MORN5: variants seen among roughly 807,000 people sequenced by gnomAD.
The protein encoded by MORN5 is MORN repeat containing 5.
Under a neutral mutation model 22.1 loss-of-function variants are expected in MORN5, and 21 were observed. That is an observed-to-expected ratio of 0.95 (90% CI 0.67 to 1.37). The LOEUF (loss-of-function observed/expected upper bound fraction) is 1.37, where lower values mean the gene tolerates loss of function less well. Among genes scored for constraint, MORN5 ranks in the 40% most tolerant of loss-of-function variants. The probability of loss-of-function intolerance (pLI) is 0.00; values close to 1 mark genes in which losing one functional copy is unlikely to be tolerated. For synonymous variants in MORN5, 73 were observed against 74.0 expected, an observed-to-expected ratio of 0.99 and a Z score of 0.07; for missense variants, 211 against 215.1, an observed-to-expected ratio of 0.98 and a Z score of 0.12.
At chr9:122,179,885 G>T (rs370413399) in intron 4 of MORN5, among the ~76,000 whole-genome samples, 11 of 152,326 alleles carry the variant, frequency 7.2e-5, no homozygotes, top group African/African-American at 2.6e-4. Flanking sequence ...CATCCTGAAG[G>T]CGCAGGCTGC....
chr9:122,169,919 G>C (rs1000038008), intron 3 of MORN5, among the ~76,000 whole-genome samples, 163 bp downstream of exon 3: 17 of 152,214 alleles, frequency 1.1e-4, no homozygotes, highest in Admixed American at 6.5e-5. Context: ...AGGAAGGCCA[G>C]TCCTCATATC....
chr9:122,186,509 T>C (rs964242224), intron 4 of MORN5, among the ~76,000 whole-genome samples: 1 of 152,158 alleles, frequency 6.6e-6, no homozygotes, highest in Non-Finnish European at 1.5e-5. Context: ...AAGCCATCCA[T>C]ACAGCCCTGT....
chr9:122,196,807 G>A (rs924084980), intron 4 of MORN5, among the ~76,000 whole-genome samples: 1 of 152,128 alleles, frequency 6.6e-6, no homozygotes, highest in Non-Finnish European at 1.5e-5. Context: ...GATATACTAT[G>A]TGTACTTTTA....
At chr9:122,198,043 C>A (rs767488718) in intron 4 of MORN5, among the ~76,000 whole-genome samples, 5 of 152,198 alleles carry the variant, frequency 3.3e-5, no homozygotes, top group Non-Finnish European at 7.3e-5. Context: ...CAGCTCCTGG[C>A]GTGCTCACAT....
chr9:122,173,146 C>A (rs527920323), intron 3 of MORN5, among the ~76,000 whole-genome samples: 3 of 152,266 alleles, frequency 2.0e-5, no homozygotes, highest in Admixed American at 6.5e-5. Flanking sequence ...ACCTGCCTGG[C>A]TCTCCCCGAA....
At chr9:122,175,584 A>G in intron 4 of MORN5, 1 of 983,298 alleles carries the variant, frequency 1.0e-6, no homozygotes, top group Non-Finnish European at 1.2e-6. Flanking sequence ...GCATGCACAC[A>G]CACACACACG....
intron 4 of MORN5, among the ~76,000 whole-genome samples, chr9:122,182,676 G>C (rs1829554272): frequency 6.6e-6 from 1 of 152,194 alleles, no homozygotes; most frequent in South Asian, 2.1e-4. Context: ...GCTTGAACCT[G>C]GGAGGCAGAG....
At chr9:122,165,286 C>G (rs1234813326) in intron 1 of MORN5, among the ~76,000 whole-genome samples, 1 of 148,906 alleles carries the variant, frequency 6.7e-6, no homozygotes, top group Non-Finnish European at 1.5e-5. Flanking sequence ...CAGCCCAGTG[C>G]AGTGGCTCAC....
At chr9:122,193,861 G>A (rs1437430590) in intron 4 of MORN5, among the ~76,000 whole-genome samples, 5 of 152,256 alleles carry the variant, frequency 3.3e-5, no homozygotes, top group South Asian at 2.1e-4. Context: ...TTTACAGTGC[G>A]AGGGGAGCTG....
intron 4 of MORN5, among the ~76,000 whole-genome samples, chr9:122,190,789 T>G (rs542627544): frequency 1.3e-4 from 20 of 152,392 alleles, no homozygotes; most frequent in Middle Eastern, 3.4e-3. Context: ...GCCAGCAAAG[T>G]TCAAAGCCTC....
At chr9:122,168,785 G>T (rs1829324195) in intron 2 of MORN5, among the ~76,000 whole-genome samples, 1 of 152,132 alleles carries the variant, frequency 6.6e-6, no homozygotes, top group African/African-American at 2.4e-5. Context: ...GTCAGTCAGG[G>T]TTCTTCAGAG....
intron 4 of MORN5, chr9:122,175,440 C>G (rs1342778118): frequency 2.0e-6 from 2 of 984,014 alleles, no homozygotes; most frequent in Non-Finnish European, 2.4e-6. Flanking sequence ...TGACCAAACT[C>G]ACAGGAGATC....
Position 122,177,022 on chromosome 9 carries a change from A to G in MORN5, c.439+2395A>G, listed in dbSNP as rs544226397. ...CCCCTCAAGGACTGGGGACAATAGT[A>G]AGAGATTAGGTTGTGAGAACCTAGA... is the stretch of plus-strand genomic sequence containing the variant. On this transcript the variant is annotated intron_variant, in intron 4 of 4. Transcript: ENST00000373764. Among the ~76,000 whole-genome samples, 93 of 152,362 alleles carry G rather than the reference A, an allele frequency of 6.1e-4. 1 individual carries two copies. Among genetic ancestry groups the G allele is most frequent in the African/African-American group, 2.1e-3 (87 of 41,596 alleles).
intron 4 of MORN5, among the ~76,000 whole-genome samples, chr9:122,186,625 C>G (rs1829643349): frequency 6.6e-6 from 1 of 152,044 alleles, no homozygotes; most frequent in Admixed American, 6.6e-5. Flanking sequence ...TTCCAAAGGC[C>G]CTGGAAATTC....
At chr9:122,164,846 C>T (rs905306916) in intron 1 of MORN5, among the ~76,000 whole-genome samples, 1 of 152,194 alleles carries the variant, frequency 6.6e-6, no homozygotes, top group East Asian at 1.9e-4. Flanking sequence ...GGGCATTCTG[C>T]TATAGTTTCA....
chr9:122,164,897 C>T (rs1829253065), intron 1 of MORN5, among the ~76,000 whole-genome samples: 1 of 152,222 alleles, frequency 6.6e-6, no homozygotes, highest in Admixed American at 6.5e-5. Context: ...ACTTTGTCAT[C>T]CACTCTGTTC....
chr9:122,172,489 G>A (rs544528639), intron 3 of MORN5, among the ~76,000 whole-genome samples: 21 of 151,970 alleles, frequency 1.4e-4, no homozygotes, highest in South Asian at 2.1e-4. Context: ...ACTTTTTCCT[G>A]CCATTCTCTC....
Position 122,197,581 on chromosome 9 carries a change from T to C in MORN5, c.440-2304T>C, listed in dbSNP as rs1408979395. Among the ~76,000 whole-genome samples the C allele has an allele frequency of 3.3e-5, 5 of 151,970 alleles. No individual in the cohort carries two copies. Among genetic ancestry groups the C allele is most frequent in the South Asian group, 2.1e-4 (1 of 4,804 alleles). ...GGAGGGGAGGCATCTGTGATTCAAA[T>C]TGGTGGCTGTACAGCCAGGTAGAGA... On this transcript the variant is annotated intron_variant, in intron 4 of 4. Coordinates refer to ENST00000373764, the MANE Select transcript of MORN5 (RefSeq NM_198469.4). The surrounding 1 kb of genome is among the most constrained non-coding windows in gnomAD (Gnocchi z 5.7).
chr9:122,179,683 T>C (rs1478066361), intron 4 of MORN5, among the ~76,000 whole-genome samples: 2 of 152,180 alleles, frequency 1.3e-5, no homozygotes, highest in Non-Finnish European at 2.9e-5. Context: ...CCTGATATTA[T>C]AGGACAGATG....
Sources: allele counts gnomAD v4.1 joint callset (sites outside exome capture counted in the v4.1 genomes callset), GRCh38; gene constraint gnomAD v4.1.1; non-coding constraint Gnocchi (gnomAD v3.1); transcripts MANE v1.5; gene names NCBI Gene and HGNC (gene_info 2026-07-23, HGNC 2026-07-21).